Variants in PDLIM4 observed in about 807,000 individuals in gnomAD.
The protein encoded by PDLIM4 is PDZ and LIM domain protein 4.
A neutral mutation model predicts 31.3 loss-of-function variants in PDLIM4; 19 were observed. That is an observed-to-expected ratio of 0.61 (90% CI 0.42 to 0.89). The LOEUF (loss-of-function observed/expected upper bound fraction) is 0.89, where lower values mean the gene tolerates loss of function less well. PDLIM4 is among the 40% of genes least tolerant of loss of function. The pLI is 0.00. For missense variants in PDLIM4, 442 were observed against 461.1 expected, an observed-to-expected ratio of 0.96 and a Z score of 0.38; for synonymous variants, 176 against 190.1, an observed-to-expected ratio of 0.93 and a Z score of 0.61.
In PDLIM4 at chr5:132,271,212, A is replaced by G. The variant is rs549420032; in HGVS notation, c.507-91A>G. ...TGATCCTTGGGTCTTAGCTGGTTGC[A>G]TTCTGACTCATAAGCCTTACCAGAC... On this transcript the variant is annotated intron_variant, in intron 4 of 6. Transcript: ENST00000253754. The G allele has an allele frequency of 8.7e-6, 13 of 1,497,670 alleles. No individual in the cohort carries two copies. In the African/African-American group the frequency reaches 1.8e-4, roughly 21 times the overall value. 92.8% of individuals were successfully genotyped at this position (1,497,670 alleles called of 1,614,324 possible).
In PDLIM4 at chr5:132,259,137, C is replaced by CTGTGTGTGTGTGTGTG. The variant is rs70974028; in HGVS notation, c.93+1326_93+1341dup. On this transcript the variant is annotated intron_variant, in intron 1 of 6. Transcript: ENST00000253754. ...TCTCCTCTTTCCTATAGGATTCCTG[C>CTGTGTGTGTGTGTGTG]TGTGTGTGTGTGTGTGTGTGTGTGT... Among the ~76,000 whole-genome samples, 864 of 146,168 alleles carry CTGTGTGTGTGTGTGTG rather than the reference C, an allele frequency of 5.9e-3. 9 individuals carry two copies. Among genetic ancestry groups the CTGTGTGTGTGTGTGTG allele is most frequent in the East Asian group, 0.015 (73 of 4,916 alleles).
chr5:132,267,669 T>C (rs774104959), intron 3 of PDLIM4, among the ~76,000 whole-genome samples: 36 of 151,412 alleles, frequency 2.4e-4, no homozygotes, highest in Non-Finnish European at 4.6e-4. Flanking sequence ...AGAGGTGAGG[T>C]CTTGCACCAC....
chr5:132,260,186 C>T (rs1402537059), intron 1 of PDLIM4, among the ~76,000 whole-genome samples: 1 of 152,176 alleles, frequency 6.6e-6, no homozygotes, highest in Non-Finnish European at 1.5e-5. Context: ...CTTGGACTCC[C>T]AGCCCACCAC....
At chr5:132,267,951 C>T (rs1426048934) in intron 3 of PDLIM4, among the ~76,000 whole-genome samples, 2 of 152,192 alleles carry the variant, frequency 1.3e-5, no homozygotes, top group Admixed American at 6.5e-5. Context: ...CAGAGGGGAG[C>T]AGCAGGGTGT....
chr5:132,259,190 T>A (rs1359336675), intron 1 of PDLIM4, among the ~76,000 whole-genome samples: 1 of 149,726 alleles, frequency 6.7e-6, no homozygotes, highest in Non-Finnish European at 1.5e-5. Context: ...TGTCTGCTTG[T>A]GTGTGTCATG....
intron 2 of PDLIM4, among the ~76,000 whole-genome samples, chr5:132,264,723 G>A (rs1195757463): frequency 1.3e-5 from 2 of 151,998 alleles, no homozygotes; most frequent in Non-Finnish European, 2.9e-5. Flanking sequence ...GCTATGCCAG[G>A]ACCTATGCCT....
chr5:132,270,953 C>T lies in PDLIM4; in HGVS notation c.366C>T (p.Thr122=), dbSNP rs772258480. The change falls in exon 4 of 7, where the codon ACC becomes ACT. Residue 122 remains threonine (T), a synonymous_variant. Transcript: ENST00000253754. ...CAACCAGCAGGCGGCCCTCAGGCACCGGGACTGGGCCAGAAGATGGCAGAC... is the reference window on the plus strand; with the variant it reads ...CAACCAGCAGGCGGCCCTCAGGCACTGGGACTGGGCCAGAAGATGGCAGAC... ...SPTTSRRPSG[T]GTGPEDGRPS... is the part of the protein sequence containing the mutation. 38 of 1,613,994 alleles carry T rather than the reference C, an allele frequency of 2.4e-5. No individual in the cohort carries two copies. In the South Asian group the frequency reaches 3.1e-4, roughly 13 times the overall value.
intron 1 of PDLIM4, among the ~76,000 whole-genome samples, chr5:132,258,641 T>C (rs1021784265): frequency 1.3e-5 from 2 of 152,138 alleles, no homozygotes; most frequent in African/African-American, 4.8e-5. Context: ...TGGCCCAGCC[T>C]CGACATCCTC....
chr5:132,272,010 C>G lies in PDLIM4; in HGVS notation c.789-15C>G. On this transcript the variant is annotated splice_polypyrimidine_tract_variant and intron_variant, in intron 6 of 6. Transcript: ENST00000253754. Reference sequence around the variant, plus strand: ...TCAGTCACTCGACGCTGTCCTGTCTCGTTCCCCCCATCAGGGGCACCATCG... The same window carrying G: ...TCAGTCACTCGACGCTGTCCTGTCTGGTTCCCCCCATCAGGGGCACCATCG... 1 of 1,612,656 alleles carries G rather than the reference C, an allele frequency of 6.2e-7. No individual in the cohort carries two copies. Among genetic ancestry groups the G allele is most frequent in the South Asian group, 1.1e-5 (1 of 91,046 alleles).
chr5:132,271,053 C>A lies in PDLIM4; in HGVS notation c.466C>A (p.Pro156Thr), dbSNP rs1561523572. The A allele has an allele frequency of 6.2e-7, 1 of 1,614,102 alleles. No individual in the cohort carries two copies. The highest frequency in any genetic ancestry group is 8.5e-7 in the Non-Finnish European group (1 of 1,179,982). ...CAATGGCAGCAGCGAGGCCACCCTG[C>A]CAGCCCAGATGAGCACCCTGCATGT... ...PHNGSSEATL[P>T]AQMSTLHVSP... The change falls in exon 4 of 7, where the codon CCA becomes ACA. Residue 156 changes from proline (P) to threonine (T), a missense_variant. By Grantham distance (38) the Pro-to-Thr change is conservative. Coordinates refer to ENST00000253754, the MANE Select transcript of PDLIM4 (RefSeq NM_003687.4).
chr5:132,272,023 AG>A lies in PDLIM4; in HGVS notation c.791del. 1.9e-6 allele frequency: 3 copies of A among 1,613,818 alleles called. No individual in the cohort carries two copies. The highest frequency in any genetic ancestry group is 2.5e-6 in the Non-Finnish European group (3 of 1,179,668). On this transcript the variant is annotated splice_acceptor_variant, in intron 6 of 6. Transcript: ENST00000253754. LOFTEE classifies it high-confidence loss of function. ...GCTGTCCTGTCTCGTTCCCCCCATC[AG>A]GGGCACCATCGTCAAGGCACGGGAC...
chr5:132,265,713 C>T (rs1342135909), intron 2 of PDLIM4, among the ~76,000 whole-genome samples: 1 of 152,236 alleles, frequency 6.6e-6, no homozygotes, highest in Non-Finnish European at 1.5e-5. Context: ...TCTAACCAGC[C>T]TCACCTCATA....
At chr5:132,265,860 C>T (rs1756480765) in intron 2 of PDLIM4, among the ~76,000 whole-genome samples, 1 of 152,162 alleles carries the variant, frequency 6.6e-6, no homozygotes, top group Non-Finnish European at 1.5e-5. Flanking sequence ...ATGTTTTTCT[C>T]CCTCCTGAGT....
At chr5:132,270,135 C>G (rs896964865) in intron 3 of PDLIM4, among the ~76,000 whole-genome samples, 1 of 152,196 alleles carries the variant, frequency 6.6e-6, no homozygotes, top group Admixed American at 6.5e-5. Context: ...CCCCCACACA[C>G]AGAGATACTG....
At chr5:132,268,012 C>A (rs962252081) in intron 3 of PDLIM4, among the ~76,000 whole-genome samples, 1 of 152,172 alleles carries the variant, frequency 6.6e-6, no homozygotes, top group Non-Finnish European at 1.5e-5. Flanking sequence ...GTAGCAGTGC[C>A]AGGATGACGT....
chr5:132,271,847 G>A lies in PDLIM4; in HGVS notation c.727G>A (p.Gly243Ser), dbSNP rs775352397. Residue 243 changes from glycine to serine, a missense_variant, in exon 6 of 7, where the codon GGC becomes AGC. Coordinates refer to ENST00000253754, the MANE Select transcript of PDLIM4 (RefSeq NM_003687.4). The part of the protein sequence containing the change: ...RNLKPTASKL[G>S]APLSGLQGLP... ...CCTCAAGCCCACGGCCAGCAAGCTG[G>A]GCGCTCCGCTGAGCGGCCTGCAGGG... 1 of 1,612,690 alleles carries A rather than the reference G, an allele frequency of 6.2e-7. No homozygotes were observed. Among genetic ancestry groups the A allele is most frequent in the East Asian group, 2.2e-5 (1 of 44,870 alleles).
chr5:132,271,904 A>G lies in PDLIM4; in HGVS notation c.784A>G (p.Ile262Val), dbSNP rs760962631. ...CGAGTGCACGCGCTGCGGCCACGGCATCGTGTGAGTAACCGCCCCCGCTGC... is the reference window on the plus strand; with the variant it reads ...CGAGTGCACGCGCTGCGGCCACGGCGTCGTGTGAGTAACCGCCCCCGCTGC... ...LPECTRCGHGIVGTIVKARDK... is the reference protein window; with the variant it reads ...LPECTRCGHGVVGTIVKARDK... Residue 262 changes from isoleucine to valine, a missense_variant, in exon 6 of 7, where the codon ATC (isoleucine) becomes GTC (valine). Physicochemically the swap from Ile to Val is conservative, Grantham distance 29. Transcript: ENST00000253754. 8.1e-6 allele frequency: 13 copies of G among 1,605,824 alleles called. No individual in the cohort carries two copies. Among genetic ancestry groups the G allele is most frequent in the South Asian group, 1.1e-5 (1 of 90,740 alleles).
intron 1 of PDLIM4, among the ~76,000 whole-genome samples, chr5:132,262,324 C>T (rs925365889): frequency 2.6e-5 from 4 of 152,188 alleles, no homozygotes; most frequent in Non-Finnish European, 5.9e-5. Flanking sequence ...TGGGCACATA[C>T]GCAGGCTGCA....
At chr5:132,269,703 T>C (rs975877313) in intron 3 of PDLIM4, among the ~76,000 whole-genome samples, 6 of 152,114 alleles carry the variant, frequency 3.9e-5, no homozygotes, top group Non-Finnish European at 8.8e-5. Flanking sequence ...CCCACTACGA[T>C]AGGCATCCTT....
Sources: allele counts gnomAD v4.1 joint callset (sites outside exome capture counted in the v4.1 genomes callset), GRCh38; gene constraint gnomAD v4.1.1; transcripts MANE v1.5; gene names NCBI Gene and HGNC (gene_info 2026-07-23, HGNC 2026-07-21).